The following AGAP1 variants were observed in gnomAD, a reference collection of about 807,000 sequenced individuals.
AGAP1 encodes the protein ArfGAP with GTPase domain, ankyrin repeat and PH domain 1, also known as arf-GAP with GTPase, ANK repeat and PH domain-containing protein 1.
In AGAP1, 29 loss-of-function variants were observed where a neutral mutation model predicts 105.3. The observed-to-expected ratio is 0.28, with a 90% confidence interval of 0.21 to 0.38. The LOEUF (loss-of-function observed/expected upper bound fraction) is 0.38, where lower values mean the gene tolerates loss of function less well. Ranked by LOEUF, AGAP1 falls within the 10% of genes least tolerant of loss-of-function variation. The pLI is 1.00. For synonymous variants in AGAP1, 509 were observed against 485.9 expected, an observed-to-expected ratio of 1.05 and a Z score of -0.63; for missense variants, 998 against 1,165.1, an observed-to-expected ratio of 0.86 and a Z score of 2.09.
At chr2:236,074,260 A>T (rs774801348) in intron 16 of AGAP1, among the ~76,000 whole-genome samples, 4 of 152,172 alleles carry the variant, frequency 2.6e-5, no homozygotes, top group Admixed American at 6.6e-5. Flanking sequence ...GGGAGAGGCT[A>T]AACAAGAAGA....
At chr2:235,987,078 A>G (rs2055342407) in intron 13 of AGAP1, among the ~76,000 whole-genome samples, 1 of 152,008 alleles carries the variant, frequency 6.6e-6, no homozygotes, top group Non-Finnish European at 1.5e-5. Context: ...GGTAGAATTC[A>G]GCTGTGAATC....
intron 11 of AGAP1, among the ~76,000 whole-genome samples, chr2:235,912,930 GTAAT>G (rs1188987876): frequency 4.1e-4 from 63 of 152,178 alleles, no homozygotes; most frequent in Non-Finnish European, 7.3e-5. Context: ...TTCTTACGTT[GTAAT>G]TAATTGTTTA....
chr2:235,538,207 G>A (rs549145095), intron 1 of AGAP1, among the ~76,000 whole-genome samples: 1 of 152,284 alleles, frequency 6.6e-6, no homozygotes, highest in South Asian at 2.1e-4. Context: ...TACAAGTTGG[G>A]TGTTACTGAC....
At chr2:235,996,080 T>C (rs961980683) in intron 13 of AGAP1, among the ~76,000 whole-genome samples, 2 of 152,214 alleles carry the variant, frequency 1.3e-5, no homozygotes, top group Non-Finnish European at 2.9e-5. Flanking sequence ...TTGCCAACCG[T>C]TTGTCACACA....
In AGAP1 at chr2:236,092,727, T is replaced by C. The variant is rs1436942509; in HGVS notation, c.2115-27465T>C. 6.6e-6 allele frequency among the ~76,000 whole-genome samples: 1 copy of C among 152,246 alleles called. No homozygotes were observed. The highest frequency in any genetic ancestry group is 1.9e-4 in the East Asian group (1 of 5,190). On this transcript the variant is annotated intron_variant, in intron 16 of 17. Transcript: ENST00000304032. The surrounding 1 kb of genome is among the most constrained non-coding windows in gnomAD (Gnocchi z 4.7). ...TTTAAACTCCATGTGAATACACAAT[T>C]ATTTCAAAAAAGCTTACTAAAAAGT...
In AGAP1 at chr2:235,777,956, C is replaced by A. The variant is rs1956006703; in HGVS notation, c.674-19803C>A. ...AGGGGACTTCCTTGGCCCCTCCTGG[C>A]TCTGCCCTGAGCCCGCTGCCCTCAC... On this transcript the variant is annotated intron_variant, in intron 6 of 17. Transcript: ENST00000304032. This position sits in a 1 kb window ranked among gnomAD's most constrained non-coding sequence, Gnocchi z 5.1. Among the ~76,000 whole-genome samples the A allele has an allele frequency of 6.6e-6, 1 of 152,176 alleles. No individual in the cohort carries two copies. The highest frequency in any genetic ancestry group is 2.1e-4 in the South Asian group (1 of 4,822).
intron 3 of AGAP1, among the ~76,000 whole-genome samples, chr2:235,731,636 C>A (rs570911798): frequency 6.6e-6 from 1 of 152,182 alleles, no homozygotes; most frequent in East Asian, 1.9e-4. Context: ...GTGTGAGTTT[C>A]CATTTGGAAA....
intron 2 of AGAP1, 89 bp from the exon 3 acceptor site, chr2:235,717,468 G>A (rs978062414): frequency 2.8e-6 from 3 of 1,062,510 alleles, no homozygotes; most frequent in Non-Finnish European, 2.7e-6. Context: ...TTGTGTTTAG[G>A]CCTCCTGTCT....
chr2:235,669,559 C>T (rs1306298032), intron 1 of AGAP1: 1 of 147,988 alleles, frequency 6.8e-6, no homozygotes, highest in East Asian at 2.0e-4. Context: ...GCGCGCGGCC[C>T]GCGGTCCCTT....
intron 1 of AGAP1, among the ~76,000 whole-genome samples, chr2:235,644,471 C>T (rs1010421865): frequency 2.0e-5 from 3 of 152,026 alleles, no homozygotes; most frequent in Non-Finnish European, 2.9e-5. Context: ...GGATCGCCCC[C>T]GTTTATCTGA....
rs2054616208 is a variant in AGAP1, at chr2:235,970,883, A to T, written c.1645+2260A>T. On this transcript the variant is annotated intron_variant, in intron 13 of 17. Transcript: ENST00000304032. The surrounding 1 kb of genome is among the most constrained non-coding windows in gnomAD (Gnocchi z 5.4). The stretch of plus-strand genomic sequence containing the variant: ...GTATGTGTGTGCGAGGCAATAGTGG[A>T]TACCCAGGCTGAGACACGGGCTCTG... Among the ~76,000 whole-genome samples, 1 of 152,210 alleles carries T rather than the reference A, an allele frequency of 6.6e-6. No homozygotes were observed. The highest frequency in any genetic ancestry group is 2.4e-5 in the African/African-American group (1 of 41,460).
At position 235,906,921 on chromosome 2, in the gene AGAP1, C is replaced by T. The variant is rs547632393; in HGVS notation, c.1156-1817C>T. 1.3e-5 allele frequency among the ~76,000 whole-genome samples: 2 copies of T among 152,316 alleles called. No individual in the cohort carries two copies. The highest frequency in any genetic ancestry group is 3.9e-4 in the East Asian group (2 of 5,184). On this transcript the variant is annotated intron_variant, in intron 10 of 17. Coordinates refer to ENST00000304032, the MANE Select transcript of AGAP1 (RefSeq NM_001037131.3). This position sits in a 1 kb window ranked among gnomAD's most constrained non-coding sequence, Gnocchi z 5.3. Reference sequence around the variant, plus strand: ...ATCCCAGCTACTCGGGAGACTGAGGCAGGAGAATCTCTTGAATCCGGAAGG... The same window carrying T: ...ATCCCAGCTACTCGGGAGACTGAGGTAGGAGAATCTCTTGAATCCGGAAGG...
At chr2:235,766,891 G>A (rs369365501) in intron 6 of AGAP1, among the ~76,000 whole-genome samples, 1 of 149,262 alleles carries the variant, frequency 6.7e-6, no homozygotes, top group South Asian at 2.1e-4. Flanking sequence ...ATATGTGCGT[G>A]CCACCACACC....
chr2:236,090,820 A>C lies in AGAP1; in HGVS notation c.2115-29372A>C, dbSNP rs549445428. On this transcript the variant is annotated intron_variant, in intron 16 of 17. Transcript: ENST00000304032. This position sits in a 1 kb window ranked among gnomAD's most constrained non-coding sequence, Gnocchi z 4.3. The stretch of plus-strand genomic sequence containing the variant: ...AGTGGCACGATCTTGGCTCACTGCA[A>C]CCCCCGCCTCCCAGGTTCAAGCGAT... Among the ~76,000 whole-genome samples the C allele has an allele frequency of 5.3e-5, 8 of 150,158 alleles. No homozygotes were observed. In the East Asian group the frequency reaches 1.6e-3, roughly 29 times the overall value.
At chr2:235,606,317 T>C (rs954647436) in intron 1 of AGAP1, among the ~76,000 whole-genome samples, 1 of 152,166 alleles carries the variant, frequency 6.6e-6, no homozygotes, top group Non-Finnish European at 1.5e-5. Flanking sequence ...GAGCCGATCA[T>C]GTATCTGTTT....
In AGAP1 at chr2:235,601,386, A is replaced by G. The variant is rs1945726059; in HGVS notation, c.163+106537A>G. Among the ~76,000 whole-genome samples, 2 of 152,190 alleles carry G rather than the reference A, an allele frequency of 1.3e-5. No homozygotes were observed. The highest frequency in any genetic ancestry group is 4.1e-4 in the South Asian group (2 of 4,830). Reference sequence around the variant, plus strand: ...ATTAGTCTGTTGTCGTGCTGCTAATAAGCACATACCTGAGACTGGGTAATT... The same window carrying G: ...ATTAGTCTGTTGTCGTGCTGCTAATGAGCACATACCTGAGACTGGGTAATT... On this transcript the variant is annotated intron_variant, in intron 1 of 17. Coordinates refer to ENST00000304032, the MANE Select transcript of AGAP1 (RefSeq NM_001037131.3). The surrounding 1 kb of genome is among the most constrained non-coding windows in gnomAD (Gnocchi z 4.4).
Position 236,129,934 on chromosome 2 carries a change from GGT to G in AGAP1, c.*5813_*5814del. The G allele has an allele frequency of 6.6e-6, 1 of 152,248 alleles. No individual in the cohort carries two copies. The highest frequency in any genetic ancestry group is 1.9e-4 in the East Asian group (1 of 5,190). 9.4% of individuals were successfully genotyped at this position (152,248 alleles called of 1,614,324 possible). ...TTACTGTCTTTCACCATGAGATGCT[GGT>G]TTTGGTGTAAAATGACAGCACTTGG... On this transcript the variant is annotated 3_prime_UTR_variant, in exon 18 of 18. Transcript: ENST00000304032. This position sits in a 1 kb window ranked among gnomAD's most constrained non-coding sequence, Gnocchi z 6.2.
intron 1 of AGAP1, among the ~76,000 whole-genome samples, chr2:235,706,196 A>G (rs1950524312): frequency 1.3e-5 from 2 of 152,070 alleles, no homozygotes; most frequent in South Asian, 4.2e-4. Context: ...AAGCATATGC[A>G]TATTTATTTT....
intron 1 of AGAP1, among the ~76,000 whole-genome samples, chr2:235,687,282 G>A (rs182567460): frequency 5.9e-5 from 9 of 152,268 alleles, no homozygotes; most frequent in African/African-American, 2.2e-4. Flanking sequence ...CCATTTCTTT[G>A]AAGTCTAAAG....
Sources: allele counts gnomAD v4.1 joint callset (sites outside exome capture counted in the v4.1 genomes callset), GRCh38; gene constraint gnomAD v4.1.1; non-coding constraint Gnocchi (gnomAD v3.1); transcripts MANE v1.5; gene names NCBI Gene and HGNC (gene_info 2026-07-23, HGNC 2026-07-21).